ADGRV1: variants seen among roughly 807,000 people sequenced by gnomAD.
ADGRV1 encodes adhesion G protein-coupled receptor V1, also known as G-protein coupled receptor 98.
In ADGRV1, 359 loss-of-function variants were observed where a neutral mutation model predicts 596.2. The observed-to-expected ratio is 0.60, with a 90% CI of 0.55 to 0.66. The LOEUF is 0.66. ADGRV1 is among the 30% of genes least tolerant of loss of function. The pLI is 0.00. For synonymous variants in ADGRV1, 2,681 were observed against 2,679.2 expected (o/e 1.00, Z -0.02); for missense variants, 7,274 against 7,575.6 (o/e 0.96, Z 1.48).
chr5:90,623,370 G>T (rs75900541), intron 5 of ADGRV1, among the ~76,000 whole-genome samples: 12 of 151,842 alleles, frequency 7.9e-5, no homozygotes, highest in Non-Finnish European at 1.2e-4. Context: ...GATTACTTAG[G>T]TTTACATAAA....
chr5:90,702,500 A>G (rs2149680409), intron 34 of ADGRV1, among the ~76,000 whole-genome samples: 1 of 152,064 alleles, frequency 6.6e-6, no homozygotes, highest in East Asian at 1.9e-4. Context: ...TTTTGTTTTT[A>G]AATTGAAATT....
chr5:91,032,417 G>A (rs1784553148), intron 85 of ADGRV1, among the ~76,000 whole-genome samples: 1 of 152,160 alleles, frequency 6.6e-6, no homozygotes, highest in Non-Finnish European at 1.5e-5. Context: ...TTGGATTAAG[G>A]TGGTAACAAC....
intron 8 of ADGRV1, 94 bp from the exon 9 acceptor site, chr5:90,629,106 AAAATATTAAT>A (rs1765165836): frequency 3.0e-6 from 2 of 659,880 alleles, no homozygotes; most frequent in Admixed American, 7.5e-5. Context: ...TTTTAGACAT[AAAATATTAAT>A]AAATATTAAA....
chr5:90,647,785 T>C (rs763757422), intron 17 of ADGRV1, 21 bp downstream of exon 17: 2 of 1,601,652 alleles, frequency 1.2e-6, no homozygotes, highest in Admixed American at 3.4e-5. Flanking sequence ...TATGCTTTTT[T>C]ATGGCAGATC....
chr5:90,924,383 G>C (rs1175005196), intron 83 of ADGRV1, among the ~76,000 whole-genome samples: 1 of 151,996 alleles, frequency 6.6e-6, no homozygotes, highest in East Asian at 1.9e-4. Context: ...GATGGCCAGT[G>C]ATGACGAACA....
chr5:90,929,215 G>C (rs1226669375), intron 83 of ADGRV1: 1 of 160,232 alleles, frequency 6.2e-6, no homozygotes, highest in Non-Finnish European at 1.4e-5. Context: ...GCAATGGCGG[G>C]CGCCCCTCCC....
At chr5:90,965,685 T>C (rs1423933190) in intron 84 of ADGRV1, among the ~76,000 whole-genome samples, 154 bp downstream of exon 84, 1 of 152,144 alleles carries the variant, frequency 6.6e-6, no homozygotes, top group Admixed American at 6.5e-5. Flanking sequence ...AAACACCCTA[T>C]AAGCTGTACA....
At chr5:90,681,001 G>A (rs1426279210) in intron 26 of ADGRV1, among the ~76,000 whole-genome samples, 2 of 152,184 alleles carry the variant, frequency 1.3e-5, no homozygotes, top group Non-Finnish European at 2.9e-5. Flanking sequence ...GGTCGTGGGA[G>A]ACCTTCCTCA....
At chr5:90,943,535 C>T (rs368091409) in intron 83 of ADGRV1, among the ~76,000 whole-genome samples, 1 of 152,142 alleles carries the variant, frequency 6.6e-6, no homozygotes. Context: ...CTCAGAGAGG[C>T]CTTCCATGAC....
intron 85 of ADGRV1, among the ~76,000 whole-genome samples, chr5:91,033,503 C>A (rs1225218444): frequency 6.6e-6 from 1 of 152,156 alleles, no homozygotes; most frequent in East Asian, 1.9e-4. Context: ...TTGCCAGTCT[C>A]CCAGGGCAGT....
rs1354046705 is a variant in ADGRV1, at chr5:90,703,669, A to G, written c.8160A>G (p.Glu2720=). The G allele has an allele frequency of 6.9e-6, 11 of 1,596,262 alleles. 1 individual carries two copies. In the South Asian group the frequency reaches 1.1e-4, roughly 16 times the overall value. Reference sequence around the variant, plus strand: ...ATTTACACATTTTACTTGCAGGAGAAATTTTACAATTCCATGTGATAAGAA... The same window carrying G: ...ATTTACACATTTTACTTGCAGGAGAGATTTTACAATTCCATGTGATAAGAA... The part of the protein sequence containing the change: ...ASRSVIGHEG[E]ILQFHVIRTF... The change falls in exon 35 of 90, where the codon GAA becomes GAG. Residue 2720 remains glutamate, a synonymous_variant. Transcript: ENST00000405460.
intron 83 of ADGRV1, 70 bp from the exon 84 acceptor site, chr5:90,965,321 GAGTCATAGATTTAGATAAGAAAGC>G: frequency 1.3e-6 from 1 of 766,236 alleles, no homozygotes; most frequent in Non-Finnish European, 2.2e-6. Context: ...TGGAATCACT[GAGTCATAGATTTAGATAAGAAAGC>G]AGTTTACTTT....
intron 75 of ADGRV1, among the ~76,000 whole-genome samples, chr5:90,822,971 A>T (rs1763721417): frequency 6.6e-6 from 1 of 152,094 alleles, no homozygotes; most frequent in African/African-American, 2.4e-5. Flanking sequence ...ATTTCTGTAC[A>T]TTGATTTTGT....
intron 74 of ADGRV1, among the ~76,000 whole-genome samples, chr5:90,812,591 T>C (rs1762538511): frequency 6.6e-6 from 1 of 152,210 alleles, no homozygotes; most frequent in Non-Finnish European, 1.5e-5. Flanking sequence ...GATTTGATGC[T>C]TCCTAGAGTT....
chr5:90,844,514 A>G lies in ADGRV1; in HGVS notation c.17019+3529A>G, dbSNP rs139847330. 1.4e-4 allele frequency among the ~76,000 whole-genome samples: 21 copies of G among 152,354 alleles called. No homozygotes were observed. In the East Asian group the frequency reaches 3.7e-3, roughly 27 times the overall value. ...AATTTTTGCTATGACAGAATATTCT[A>G]TCCCCTGATTTTCCCAGGCATAGTG... is the stretch of plus-strand genomic sequence containing the variant. On this transcript the variant is annotated intron_variant, in intron 78 of 89. Coordinates refer to ENST00000405460, the MANE Select transcript of ADGRV1 (RefSeq NM_032119.4).
rs757228722 is a variant in ADGRV1 at position 90,653,918 on chromosome 5, A to T, written c.4344A>T (p.Gly1448=). 6.4e-7 allele frequency: 1 copy of T among 1,565,242 alleles called. No individual in the cohort carries two copies. Among genetic ancestry groups the T allele is most frequent in the Non-Finnish European group, 8.7e-7 (1 of 1,154,022 alleles). Residue 1448 remains glycine (G), a synonymous_variant, in exon 20 of 90, where the codon GGA becomes GGT. Coordinates refer to ENST00000405460, the MANE Select transcript of ADGRV1 (RefSeq NM_032119.4). ...FYLDGNAMPR[G]IKSLKGEAIT... The stretch of plus-strand genomic sequence containing the variant: ...TGGATGGAAATGCAATGCCCAGGGG[A>T]ATCAAGAGTCTGAAAGGAGAAGCCA...
chr5:91,118,331 C>G (rs753774755), intron 87 of ADGRV1, among the ~76,000 whole-genome samples: 1 of 151,298 alleles, frequency 6.6e-6, no homozygotes, highest in African/African-American at 2.4e-5. Context: ...CTTTGTGCCA[C>G]GCTATTATGG....
chr5:90,570,534 GTCT>G (rs147574186), intron 1 of ADGRV1, among the ~76,000 whole-genome samples: 1 of 151,960 alleles, frequency 6.6e-6, no homozygotes, highest in East Asian at 1.9e-4. Flanking sequence ...TCTGTTGTTA[GTCT>G]TCTTCTGGGA....
chr5:90,711,166 T>C lies in ADGRV1; in HGVS notation c.8904-18T>C. 1.3e-6 allele frequency: 2 copies of C among 1,591,072 alleles called. No homozygotes were observed. The highest frequency in any genetic ancestry group is 1.7e-6 in the Non-Finnish European group (2 of 1,171,876). ...ATTAATTTTTTTTGTTTGTTTTTGT[T>C]TTTTTGCTATATTATAGGTTTGAAG... On this transcript the variant is annotated intron_variant, in intron 40 of 89. Transcript: ENST00000405460.
Sources: gnomAD v4.1 joint callset for allele counts (sites outside exome capture counted in the v4.1 genomes callset) on GRCh38, gnomAD v4.1.1 for gene constraint, MANE v1.5 for transcripts, NCBI Gene and HGNC (gene_info 2026-07-23, HGNC 2026-07-21) for gene names.